The following EHF variants were observed in gnomAD, a reference collection of about 807,000 sequenced individuals.
EHF encodes the protein ETS homologous factor, also known as ESE3 transcription factor.
Under a neutral mutation model 45.1 loss-of-function variants are expected in EHF, and 14 were observed. That is an observed-to-expected ratio of 0.31 (90% CI 0.21 to 0.49). EHF has a LOEUF of 0.49. Ranked by LOEUF, EHF falls within the 20% of genes least tolerant of loss-of-function variation. EHF has a pLI of 0.99. For synonymous variants in EHF, 136 were observed against 131.8 expected (o/e 1.03, Z -0.22); for missense variants, 282 against 371.4 (o/e 0.76, Z 1.98).
rs929964817 is a variant in EHF at position 34,662,838 on chromosome 11, G to A, written c.*3907G>A. On this transcript the variant is annotated 3_prime_UTR_variant, in exon 9 of 9. Transcript: ENST00000257831. ...GGAAGCAATAGATCTCGGTAGTTAC[G>A]TATTGGGCAGATACTTACTGTATGA... 2.0e-5 allele frequency among the ~76,000 whole-genome samples: 3 copies of A among 152,066 alleles called. No individual in the cohort carries two copies. The highest frequency in any genetic ancestry group is 7.2e-5 in the African/African-American group (3 of 41,428).
chr11:34,646,252 G>T (rs1336367642), intron 2 of EHF, among the ~76,000 whole-genome samples, 187 bp from the exon 3 acceptor site: 2 of 152,128 alleles, frequency 1.3e-5, no homozygotes, highest in African/African-American at 2.4e-5. Context: ...CTCATCCAGT[G>T]TCCAGGGGTA....
intron 1 of EHF, among the ~76,000 whole-genome samples, chr11:34,625,462 G>A (rs1852297218): frequency 6.6e-6 from 1 of 152,198 alleles, no homozygotes; most frequent in Non-Finnish European, 1.5e-5. Flanking sequence ...TGATGAGCTT[G>A]CTTGACTGAT....
intron 1 of EHF, chr11:34,642,176 A>G (rs1854065024): frequency 6.0e-6 from 1 of 166,180 alleles, no homozygotes; most frequent in East Asian, 1.7e-4. Flanking sequence ...GTGCGATTGC[A>G]GTCCGAGCTC....
In EHF at chr11:34,646,624, C is replaced by T. The variant is rs369404357; in HGVS notation, c.283C>T (p.Arg95Trp). ...CAGCATGAGTTTGCAGGAGTTCACC[C>T]GGGCGGCAGGGACGGCGGGGCAGCT... is the stretch of plus-strand genomic sequence containing the variant. ...LCSMSLQEFT[R>W]AAGTAGQLLY... Residue 95 changes from arginine (R) to tryptophan (W), a missense_variant, in exon 3 of 9, where the codon CGG (arginine) becomes TGG (tryptophan). Arg to Trp is a moderately radical substitution (Grantham distance 101). Around this residue, in one of 3 missense-constraint regions of EHF, gnomAD observed 213 missense variants for 247.3 expected, o/e 0.86. Coordinates refer to ENST00000257831, the MANE Select transcript of EHF (RefSeq NM_012153.6). 3.4e-5 allele frequency: 55 copies of T among 1,613,582 alleles called. No homozygotes were observed. The highest frequency in any genetic ancestry group is 1.6e-4 in the Middle Eastern group (1 of 6,082).
At position 34,659,083 on chromosome 11, in the gene EHF, C is replaced by A; in HGVS notation, c.*152C>A. 1.6e-6 allele frequency: 1 copy of A among 613,252 alleles called. No homozygotes were observed. The highest frequency in any genetic ancestry group is 2.8e-6 in the Non-Finnish European group (1 of 363,388). 38.0% of individuals were successfully genotyped at this position (613,252 alleles called of 1,614,324 possible). ...CTACTTCTAACGGGAAGAAGAAACA[C>A]TACGGTCGATTAAAAAAATTATTTT... is the stretch of plus-strand genomic sequence containing the variant. On this transcript the variant is annotated 3_prime_UTR_variant, in exon 9 of 9. Coordinates refer to ENST00000257831, the MANE Select transcript of EHF (RefSeq NM_012153.6).
intron 3 of EHF, among the ~76,000 whole-genome samples, chr11:34,648,541 T>G (rs1283777170): frequency 1.3e-5 from 2 of 152,160 alleles, no homozygotes; most frequent in African/African-American, 4.8e-5. Context: ...TGATTAGATT[T>G]TAAATCAAAG....
chr11:34,642,772 G>C (rs747907192), intron 2 of EHF, 45 bp downstream of exon 2: 1 of 1,395,408 alleles, frequency 7.2e-7, no homozygotes, highest in South Asian at 1.2e-5. Flanking sequence ...TGCTGTGTGG[G>C]CTCTTTGCTT....
At chr11:34,646,211 G>C (rs970782261) in intron 2 of EHF, among the ~76,000 whole-genome samples, 3 of 152,056 alleles carry the variant, frequency 2.0e-5, no homozygotes, top group African/African-American at 7.2e-5. Flanking sequence ...GGAGGTGGGG[G>C]ATGAGCTCTG....
rs1856173228 is a variant in EHF at position 34,662,884 on chromosome 11, T to C, written c.*3953T>C. Among the ~76,000 whole-genome samples the C allele has an allele frequency of 6.6e-6, 1 of 152,054 alleles. No individual in the cohort carries two copies. On this transcript the variant is annotated 3_prime_UTR_variant, in exon 9 of 9. Coordinates refer to ENST00000257831, the MANE Select transcript of EHF (RefSeq NM_012153.6). ...TATGAATGAAAGAACATCACAGTAA[T>C]CACAATATCAGAGCTGAATTATCCT...
At chr11:34,632,347 G>A in intron 1 of EHF, 1 of 766,492 alleles carries the variant, frequency 1.3e-6, no homozygotes, top group South Asian at 2.2e-5. Flanking sequence ...AGAAGCCCCT[G>A]CCAGCAACTG....
At chr11:34,649,194 G>T (rs1442075134) in intron 4 of EHF, 113 bp downstream of exon 4, 2 of 1,109,640 alleles carry the variant, frequency 1.8e-6, no homozygotes, top group Non-Finnish European at 2.7e-6. Context: ...AACACAGGGA[G>T]GCCTTTTCCC....
chr11:34,630,884 C>T (rs898115068), intron 1 of EHF, among the ~76,000 whole-genome samples: 1 of 152,132 alleles, frequency 6.6e-6, no homozygotes, highest in African/African-American at 2.4e-5. Context: ...ATAAGCCCCC[C>T]TCCCCCATGA....
intron 5 of EHF, 23 bp from the exon 6 acceptor site, chr11:34,651,714 C>T (rs1855191458): frequency 1.2e-6 from 2 of 1,613,556 alleles, no homozygotes; most frequent in African/African-American, 2.7e-5. Flanking sequence ...CTCTAAATGT[C>T]CTTTATCTTT....
At chr11:34,626,031 G>GA (rs1235326437) in intron 1 of EHF, among the ~76,000 whole-genome samples, 1 of 152,186 alleles carries the variant, frequency 6.6e-6, no homozygotes. Flanking sequence ...TGGATTTTTA[G>GA]ACTAACAGAC....
intron 1 of EHF, among the ~76,000 whole-genome samples, chr11:34,625,673 A>G (rs138959535): frequency 1.6e-4 from 25 of 152,330 alleles, no homozygotes; most frequent in African/African-American, 5.8e-4. Flanking sequence ...TAGGGTTTTA[A>G]TTGACCTTGT....
rs1352682789 is a variant in EHF at position 34,656,065 on chromosome 11, CACACACACACACATAT to C, written c.545-830_545-815del. 3.3e-5 allele frequency among the ~76,000 whole-genome samples: 5 copies of C among 152,018 alleles called. No individual in the cohort carries two copies. The East Asian group carries it at 7.7e-4, about 23-fold the overall frequency. On this transcript the variant is annotated intron_variant, in intron 6 of 8. Coordinates refer to ENST00000257831, the MANE Select transcript of EHF (RefSeq NM_012153.6). ...TTGGTCCTCCCAATACACACACACA[CACACACACACACATAT>C]ACACACACACACTCACACTCACACA... is the stretch of plus-strand genomic sequence containing the variant.
At chr11:34,658,468 T>A in intron 7 of EHF, 65 bp from the exon 8 acceptor site, 1 of 1,405,926 alleles carries the variant, frequency 7.1e-7, no homozygotes, top group South Asian at 1.4e-5. Flanking sequence ...CCTAACTCAA[T>A]GCTCTCTGCC....
intron 7 of EHF, among the ~76,000 whole-genome samples, chr11:34,657,821 A>G (rs1208936067): frequency 6.9e-6 from 1 of 144,936 alleles, no homozygotes; most frequent in Non-Finnish European, 1.5e-5. Context: ...TCCAGAAATT[A>G]TGAGGAATTA....
intron 2 of EHF, among the ~76,000 whole-genome samples, chr11:34,645,924 T>C (rs16925967): frequency 0.046 from 7,067 of 152,062 alleles, 573 homozygotes; most frequent in African/African-American, 0.16. Context: ...GTCCAGTTAG[T>C]AGATCAATAA....
Sources: allele counts gnomAD v4.1 joint callset (sites outside exome capture counted in the v4.1 genomes callset), GRCh38; gene constraint gnomAD v4.1.1; regional missense constraint gnomAD v4.1.1; transcripts MANE v1.5; gene names NCBI Gene and HGNC (gene_info 2026-07-23, HGNC 2026-07-21).